Variants in DNER observed in about 807,000 individuals in gnomAD.
DNER encodes delta and Notch-like epidermal growth factor-related receptor.
A neutral mutation model predicts 78.2 loss-of-function variants in DNER; 33 were observed. That is an observed-to-expected ratio of 0.42 (90% CI 0.32 to 0.56). DNER has a LOEUF of 0.56. Ranked by LOEUF, DNER falls within the 20% of genes least tolerant of loss-of-function variation. DNER has a pLI of 0.11. For missense variants in DNER, 918 were observed against 975.3 expected (o/e 0.94, Z 0.78); for synonymous variants, 417 against 384.8 (o/e 1.08, Z -0.98).
chr2:229,550,838 G>A (rs1243236561), intron 4 of DNER, among the ~76,000 whole-genome samples: 1 of 152,176 alleles, frequency 6.6e-6, no homozygotes, highest in Non-Finnish European at 1.5e-5. Context: ...TAACTGGATA[G>A]AAACAGAGCC....
intron 4 of DNER, among the ~76,000 whole-genome samples, chr2:229,547,984 A>G (rs1488834653): frequency 1.3e-5 from 2 of 152,248 alleles, no homozygotes; most frequent in Non-Finnish European, 2.9e-5. Context: ...ATTTGTATCT[A>G]ATTTTTAATT....
chr2:229,562,982 C>T (rs1179300036), intron 4 of DNER, among the ~76,000 whole-genome samples: 1 of 151,544 alleles, frequency 6.6e-6, no homozygotes. Context: ...ATCCTCACCC[C>T]ATCAACATCA....
chr2:229,381,923 C>T (rs1692746419), intron 11 of DNER, among the ~76,000 whole-genome samples: 1 of 152,204 alleles, frequency 6.6e-6, no homozygotes, highest in Admixed American at 6.5e-5. Flanking sequence ...AGCACTTGAG[C>T]TCTGTTAAAG....
chr2:229,683,849 A>G (rs945788109), intron 1 of DNER, among the ~76,000 whole-genome samples: 4 of 151,990 alleles, frequency 2.6e-5, no homozygotes, highest in Admixed American at 1.3e-4. Flanking sequence ...GCTGGGGGCT[A>G]GGGCATCATG....
At chr2:229,575,928 T>C (rs187338373) in intron 4 of DNER, among the ~76,000 whole-genome samples, 33 of 152,336 alleles carry the variant, frequency 2.2e-4, no homozygotes, top group African/African-American at 7.2e-4. Context: ...TCAATTTAAG[T>C]AAAACTCAAA....
chr2:229,519,225 T>C (rs943409287), intron 5 of DNER, among the ~76,000 whole-genome samples: 1 of 152,142 alleles, frequency 6.6e-6, no homozygotes, highest in Non-Finnish European at 1.5e-5. Flanking sequence ...CAACCCACCT[T>C]TTCAATCTTA....
intron 12 of DNER, among the ~76,000 whole-genome samples, chr2:229,364,271 A>G (rs1037862955): frequency 6.6e-6 from 1 of 151,726 alleles, no homozygotes; most frequent in Non-Finnish European, 1.5e-5. Context: ...GGATGAGTCT[A>G]CCTCTCAAGC....
intron 1 of DNER, among the ~76,000 whole-genome samples, chr2:229,685,565 A>C (rs1444960441): frequency 6.6e-6 from 1 of 152,200 alleles, no homozygotes; most frequent in Non-Finnish European, 1.5e-5. Context: ...TATCACTATT[A>C]TCGTCATTAA....
intron 12 of DNER, among the ~76,000 whole-genome samples, chr2:229,363,293 C>T (rs1692257161): frequency 6.6e-6 from 1 of 152,230 alleles, no homozygotes; most frequent in Non-Finnish European, 1.5e-5. Context: ...CCCTGTGTGG[C>T]TGCTGGGCTG....
In DNER at chr2:229,695,132, C is replaced by G. The variant is rs185091533; in HGVS notation, c.276+19016G>C. Among the ~76,000 whole-genome samples, 12 of 152,298 alleles carry G rather than the reference C, an allele frequency of 7.9e-5. No individual in the cohort carries two copies. In the East Asian group the frequency reaches 2.3e-3, roughly 29 times the overall value. ...TGTGAATGAGGACATGTTTGCTTCCCCTTTCACCATGATTGTAAATTTCCT... is the reference window on the plus strand; with the variant it reads ...TGTGAATGAGGACATGTTTGCTTCCGCTTTCACCATGATTGTAAATTTCCT... On this transcript the variant is annotated intron_variant, in intron 1 of 12. Transcript: ENST00000341772.
intron 8 of DNER, among the ~76,000 whole-genome samples, chr2:229,443,356 G>T (rs569212447): frequency 1.3e-5 from 2 of 152,280 alleles, no homozygotes; most frequent in South Asian, 4.1e-4. Flanking sequence ...ACCTGCAGGG[G>T]AAATGGCACC....
chr2:229,424,934 A>C (rs1693842020), intron 8 of DNER, among the ~76,000 whole-genome samples: 2 of 152,132 alleles, frequency 1.3e-5, no homozygotes, highest in South Asian at 4.1e-4. Flanking sequence ...AAATGTCCCC[A>C]TTGTCATATG....
At chr2:229,473,137 C>CT (rs1196847250) in intron 7 of DNER, among the ~76,000 whole-genome samples, 1 of 152,220 alleles carries the variant, frequency 6.6e-6, no homozygotes, top group East Asian at 1.9e-4. Context: ...GTCGAGAACT[C>CT]TATCTAGAGG....
At chr2:229,446,462 T>A (rs960119793) in intron 8 of DNER, among the ~76,000 whole-genome samples, 2 of 152,106 alleles carry the variant, frequency 1.3e-5, no homozygotes, top group Admixed American at 6.6e-5. Flanking sequence ...GCATTCCAGC[T>A]AGAGGCCATT....
chr2:229,582,321 T>C (rs1270961929), intron 4 of DNER, among the ~76,000 whole-genome samples: 1 of 152,166 alleles, frequency 6.6e-6, no homozygotes, highest in African/African-American at 2.4e-5. Context: ...TGAAAAGATT[T>C]TGTAAGAGAA....
chr2:229,572,393 C>T (rs1697232713), intron 4 of DNER, among the ~76,000 whole-genome samples: 1 of 152,176 alleles, frequency 6.6e-6, no homozygotes. Flanking sequence ...AAATCATTAA[C>T]GTCTAACTAG....
chr2:229,576,286 C>A (rs898122016), intron 4 of DNER, among the ~76,000 whole-genome samples: 9 of 148,928 alleles, frequency 6.0e-5, no homozygotes, highest in Non-Finnish European at 8.9e-5. Flanking sequence ...TCTTAGAGGA[C>A]AAAATGTAAC....
At chr2:229,525,400 G>T (rs1696189503) in intron 5 of DNER, among the ~76,000 whole-genome samples, 1 of 152,048 alleles carries the variant, frequency 6.6e-6, no homozygotes, top group South Asian at 2.1e-4. Flanking sequence ...CTTCCTAATG[G>T]GAAGTGAATG....
rs1699963690 is a variant in DNER at position 229,714,430 on chromosome 2, C to T, written c.-7G>A. On this transcript the variant is annotated 5_prime_UTR_variant, in exon 1 of 13. Transcript: ENST00000341772. ...GGGCGCGGCGGGGCTGCATGGCCGG[C>T]CGGGAGGGCGCGGGAGCCGGAGCCA... 1 of 1,133,800 alleles carries T rather than the reference C, an allele frequency of 8.8e-7. No homozygotes were observed. The highest frequency in any genetic ancestry group is 1.1e-6 in the Non-Finnish European group (1 of 928,402). The allele number at this position is 1,133,800 out of a possible 1,614,324, so 70.2% of individuals were successfully genotyped here. A position where few individuals can be genotyped will look rare whatever the true frequency, so the allele number is the denominator to read the frequency against.
Sources: allele counts gnomAD v4.1 joint callset (sites outside exome capture counted in the v4.1 genomes callset), GRCh38; gene constraint gnomAD v4.1.1; transcripts MANE v1.5; gene names NCBI Gene and HGNC (gene_info 2026-07-23, HGNC 2026-07-21).